Variants in BMP7 observed in about 807,000 individuals in gnomAD.
BMP7 encodes osteogenic protein 1.
BMP7 carries 12 observed loss-of-function variants against 41.2 expected under a neutral mutation model. The ratio of observed to expected loss-of-function variants is 0.29; its 90% CI spans 0.19 to 0.47. The LOEUF is 0.47. BMP7 is among the 20% of genes least tolerant of loss of function. The probability of loss-of-function intolerance (pLI) is 0.99; values close to 1 mark genes in which losing one functional copy is unlikely to be tolerated. For synonymous variants in BMP7, 248 were observed against 250.0 expected (o/e 0.99, Z 0.07); for missense variants, 467 against 606.0 (o/e 0.77, Z 2.41).
At chr20:57,195,255 T>G (rs1224750846) in intron 3 of BMP7, among the ~76,000 whole-genome samples, 1 of 152,184 alleles carries the variant, frequency 6.6e-6, no homozygotes, top group Non-Finnish European at 1.5e-5. Context: ...CTCGGTTTCC[T>G]TGTGGCTTTT....
In BMP7 at chr20:57,266,019, T is replaced by C. The variant is rs2066176489; in HGVS notation, c.104A>G (p.Asn35Ser). 8 of 1,548,306 alleles carry C rather than the reference T, an allele frequency of 5.2e-6. No homozygotes were observed. The highest frequency in any genetic ancestry group is 2.4e-5 in the East Asian group (1 of 40,886). The change falls in exon 1 of 7, where the codon AAC becomes AGC. Residue 35 changes from asparagine (N) to serine (S), a missense_variant. Physicochemically the swap from Asn to Ser is conservative, Grantham distance 46 (BLOSUM62 1). This residue lies in a region of BMP7 where 407 missense variants were observed against 485.9 expected (regional missense o/e 0.84). Transcript: ENST00000395863. ...GTGGATGAAGCTCGAGTGCACCTCG[T>C]TGTCCAGGCTGAAGTCGGCCAGGGC... ...RSALADFSLDNEVHSSFIHRR... is the reference protein window; with the variant it reads ...RSALADFSLDSEVHSSFIHRR...
rs1249323883 is a variant in BMP7, at chr20:57,215,292, C to A, written c.612-12669G>T. Among the ~76,000 whole-genome samples, 2 of 152,242 alleles carry A rather than the reference C, an allele frequency of 1.3e-5. No individual in the cohort carries two copies. Among genetic ancestry groups the A allele is most frequent in the East Asian group, 3.9e-4 (2 of 5,194 alleles). ...GCATGGGCTTCCGGTTGAGTGCCCC[C>A]ATTTACTGTCCCCATCACCTCTTCG... On this transcript the variant is annotated intron_variant, in intron 2 of 6. Coordinates refer to ENST00000395863, the MANE Select transcript of BMP7 (RefSeq NM_001719.3). The surrounding 1 kb of genome is among the most constrained non-coding windows in gnomAD (Gnocchi z 4.2).
intron 1 of BMP7, among the ~76,000 whole-genome samples, chr20:57,247,879 T>C (rs1293070716): frequency 6.6e-6 from 1 of 152,110 alleles, no homozygotes; most frequent in Non-Finnish European, 1.5e-5. Context: ...CCTCCTCGGG[T>C]CATTTTCAAG....
chr20:57,249,342 TC>T (rs2066103126), intron 1 of BMP7, among the ~76,000 whole-genome samples: 1 of 152,078 alleles, frequency 6.6e-6, no homozygotes. Flanking sequence ...GCAGATTATT[TC>T]ATCCCATGTG....
At chr20:57,238,032 A>T (rs183219358) in intron 1 of BMP7, among the ~76,000 whole-genome samples, 158 of 152,332 alleles carry the variant, frequency 1.0e-3, no homozygotes, top group African/African-American at 3.6e-3. Flanking sequence ...CACACGGGAT[A>T]CCATTCTTGC....
intron 2 of BMP7, among the ~76,000 whole-genome samples, chr20:57,223,781 C>A (rs2123112961): frequency 6.6e-6 from 1 of 152,326 alleles, no homozygotes; most frequent in East Asian, 1.9e-4. Context: ...GGAACGTGAC[C>A]ATGGCTCTCT....
At position 57,218,035 on chromosome 20, in the gene BMP7, G is replaced by A. The variant is rs114743348; in HGVS notation, c.611+10194C>T. ...TCAACACAGATATCAACAGACATCT[G>A]TATCCAGGGAGATGGCAAGGCCAGG... On this transcript the variant is annotated intron_variant, in intron 2 of 6. Transcript: ENST00000395863. 5.9e-3 allele frequency among the ~76,000 whole-genome samples: 897 copies of A among 152,324 alleles called. 5 individuals carry two copies. Among genetic ancestry groups the A allele is most frequent in the African/African-American group, 0.02 (851 of 41,568 alleles).
intron 4 of BMP7, among the ~76,000 whole-genome samples, chr20:57,176,790 A>ACACACACACACC: frequency 6.7e-6 from 1 of 148,496 alleles, no homozygotes; most frequent in Admixed American, 6.7e-5. Context: ...ACACACACAC[A>ACACACACACACC]CCTGTTAACT....
intron 2 of BMP7, among the ~76,000 whole-genome samples, chr20:57,212,125 G>C (rs936271602): frequency 1.5e-4 from 23 of 152,222 alleles, no homozygotes; most frequent in Admixed American, 1.3e-4. Flanking sequence ...TAAGTGGCGT[G>C]AAGGAGGGAA....
intron 4 of BMP7, among the ~76,000 whole-genome samples, chr20:57,176,217 C>A (rs187993702): frequency 3.9e-5 from 6 of 152,214 alleles, no homozygotes; most frequent in African/African-American, 1.4e-4. Context: ...GCCCCCCTGG[C>A]CAACTACAGC....
chr20:57,208,988 A>T (rs1484566043), intron 2 of BMP7, among the ~76,000 whole-genome samples: 1 of 150,666 alleles, frequency 6.6e-6, no homozygotes, highest in Non-Finnish European at 1.5e-5. Context: ...GTTCAAGACC[A>T]GACTGGGCAA....
Position 57,224,469 on chromosome 20 carries a change from C to CA in BMP7, c.611+3759dup, listed in dbSNP as rs2123113632. 1 of 152,436 alleles carries CA rather than the reference C, an allele frequency of 6.6e-6. No individual in the cohort carries two copies. The highest frequency in any genetic ancestry group is 1.5e-5 in the Non-Finnish European group (1 of 68,124). The allele number at this position is 152,436 out of a possible 1,614,324, so 9.4% of individuals were successfully genotyped here. A position where few individuals can be genotyped will look rare whatever the true frequency, so the allele number is the denominator to read the frequency against. ...GCGCTGTGGAGTGGGGCAAGCCTGA[C>CA]ACATGCTCAAGGAGAGACGGGGAAG... On this transcript the variant is annotated intron_variant, in intron 2 of 6. Coordinates refer to ENST00000395863, the MANE Select transcript of BMP7 (RefSeq NM_001719.3). This position sits in a 1 kb window ranked among gnomAD's most constrained non-coding sequence, Gnocchi z 4.8.
intron 2 of BMP7, among the ~76,000 whole-genome samples, chr20:57,205,019 G>A (rs1466908882): frequency 6.6e-6 from 1 of 152,168 alleles, no homozygotes; most frequent in African/African-American, 2.4e-5. Context: ...TCGGCCATGT[G>A]AGGACACGGC....
At chr20:57,200,980 G>A (rs1317533558) in intron 3 of BMP7, among the ~76,000 whole-genome samples, 2 of 152,124 alleles carry the variant, frequency 1.3e-5, no homozygotes, top group African/African-American at 2.4e-5. Context: ...TCATGATGAC[G>A]AGGATGATGA....
chr20:57,207,261 C>T (rs1984753677), intron 2 of BMP7, among the ~76,000 whole-genome samples: 1 of 152,176 alleles, frequency 6.6e-6, no homozygotes, highest in African/African-American at 2.4e-5. Context: ...GAAGGAGGCA[C>T]AGGTCATGGA....
chr20:57,181,041 AC>A (rs375485463), intron 4 of BMP7, among the ~76,000 whole-genome samples: 25 of 152,278 alleles, frequency 1.6e-4, no homozygotes, highest in African/African-American at 5.8e-4. Context: ...CCTGGGACCA[AC>A]CGCAGGCCCC....
chr20:57,211,135 A>C (rs1311945709), intron 2 of BMP7, among the ~76,000 whole-genome samples: 1 of 152,146 alleles, frequency 6.6e-6, no homozygotes, highest in Non-Finnish European at 1.5e-5. Context: ...CGTACTGGGC[A>C]CCTACTGCAC....
chr20:57,171,091 C>T lies in BMP7; in HGVS notation c.1164G>A (p.Pro388=), dbSNP rs751546714. The change falls in exon 7 of 7, where the codon CCG becomes CCA. Residue 388 remains proline, a synonymous_variant. Coordinates refer to ENST00000395863, the MANE Select transcript of BMP7 (RefSeq NM_001719.3). This position sits in a 1 kb window ranked among gnomAD's most constrained non-coding sequence, Gnocchi z 4.5. ...CACAGCAGGGCTTGGGCACCGTTTC[C>T]GGGTTGATGAAGTGGACCTGAAACA... ...IVQTLVHFIN[P]ETVPKPCCAP... 42 of 1,614,002 alleles carry T rather than the reference C, an allele frequency of 2.6e-5. No individual in the cohort carries two copies. The highest frequency in any genetic ancestry group is 3.3e-4 in the Middle Eastern group (2 of 6,084).
intron 1 of BMP7, among the ~76,000 whole-genome samples, chr20:57,247,685 G>A (rs888282478): frequency 2.6e-5 from 4 of 152,104 alleles, no homozygotes; most frequent in Non-Finnish European, 4.4e-5. Context: ...GCAGGCAGGC[G>A]TTTCTTTCAA....
Sources: gnomAD v4.1 joint callset for allele counts (sites outside exome capture counted in the v4.1 genomes callset) on GRCh38, gnomAD v4.1.1 for gene constraint, gnomAD v4.1.1 regional missense constraint, Gnocchi (gnomAD v3.1) non-coding constraint, MANE v1.5 for transcripts, NCBI Gene and HGNC (gene_info 2026-07-23, HGNC 2026-07-21) for gene names.